ATL1: variants seen among roughly 807,000 people sequenced by gnomAD.
The protein encoded by ATL1 is atlastin GTPase 1, also known as atlastin-1.
ATL1 carries 31 observed loss-of-function variants against 75.5 expected under a neutral mutation model. The ratio of observed to expected loss-of-function variants is 0.41; its 90% CI spans 0.31 to 0.55. The LOEUF (loss-of-function observed/expected upper bound fraction) is 0.55. ATL1 is among the 20% of genes least tolerant of loss of function. ATL1 has a pLI of 0.27. For missense variants in ATL1, 405 were observed against 662.6 expected (o/e 0.61, Z 4.27); for synonymous variants, 226 against 233.3 (o/e 0.97, Z 0.28).
chr14:50,591,848 A>T (rs2039161821), intron 4 of ATL1: 1 of 527,970 alleles, frequency 1.9e-6, no homozygotes, highest in Admixed American at 3.3e-5. Context: ...TTTCAAATTG[A>T]CTGCTTTGGT....
At chr14:50,564,675 AAAG>A (rs1421685442) in intron 1 of ATL1, among the ~76,000 whole-genome samples, 135 of 149,536 alleles carry the variant, frequency 9.0e-4, no homozygotes, top group African/African-American at 3.1e-3. Context: ...AAAAAAAAAA[AAAG>A]AAGAAGAAAA....
chr14:50,561,435 T>C (rs2038843769), intron 1 of ATL1, among the ~76,000 whole-genome samples: 1 of 152,264 alleles, frequency 6.6e-6, no homozygotes, highest in Admixed American at 6.5e-5. Flanking sequence ...TATTTGGAAA[T>C]AACAGTTGTT....
chr14:50,577,333 G>A (rs1270179451), intron 1 of ATL1, among the ~76,000 whole-genome samples: 4 of 152,132 alleles, frequency 2.6e-5, no homozygotes, highest in Admixed American at 2.6e-4. Context: ...AAAGTGCTGG[G>A]GTTACAGGCC....
chr14:50,536,088 C>T (rs1396592762), intron 1 of ATL1, among the ~76,000 whole-genome samples: 1 of 152,200 alleles, frequency 6.6e-6, no homozygotes, highest in African/African-American at 2.4e-5. Flanking sequence ...AATTAAACCT[C>T]TTTCTTTTGT....
At chr14:50,557,085 C>T (rs964165154), upstream of ATL1, among the ~76,000 whole-genome samples, 3 of 152,166 alleles carry the variant, frequency 2.0e-5, no homozygotes, top group South Asian at 2.1e-4. Context: ...AAAGTATCTG[C>T]ACCATTTTAT....
intron 1 of ATL1, among the ~76,000 whole-genome samples, chr14:50,569,141 T>C (rs558673551): frequency 2.0e-5 from 3 of 151,806 alleles, no homozygotes; most frequent in African/African-American, 7.3e-5. Flanking sequence ...GCTCGAGCCC[T>C]GGAGTTCAAG....
At chr14:50,623,896 CA>C (rs11402191) in intron 11 of ATL1, among the ~76,000 whole-genome samples, 1 of 150,962 alleles carries the variant, frequency 6.6e-6, no homozygotes, top group Admixed American at 6.6e-5. Context: ...ACTAAAATAA[CA>C]AAAAAAAATT....
At chr14:50,598,561 C>T (rs940838812) in intron 6 of ATL1, among the ~76,000 whole-genome samples, 10 of 152,054 alleles carry the variant, frequency 6.6e-5, no homozygotes, top group African/African-American at 2.2e-4. Flanking sequence ...TGGGGTTTCA[C>T]CATGTTAGCC....
At chr14:50,559,892 A>T, upstream of ATL1, 1 of 317,098 alleles carries the variant, frequency 3.2e-6, no homozygotes, top group Non-Finnish European at 6.1e-6. Context: ...CGGTTTGTGT[A>T]TTTCTGATAA....
At chr14:50,611,258 A>C (rs1405385371) in intron 6 of ATL1, among the ~76,000 whole-genome samples, 1 of 152,096 alleles carries the variant, frequency 6.6e-6, no homozygotes. Flanking sequence ...TTTTTTGCTT[A>C]AACTTGTTGG....
chr14:50,564,929 G>A lies in ATL1; in HGVS notation c.34+4630G>A, dbSNP rs984637880. Among the ~76,000 whole-genome samples the A allele has an allele frequency of 3.3e-5, 5 of 151,872 alleles. No homozygotes were observed. In the East Asian group the frequency reaches 7.7e-4, roughly 23 times the overall value. ...ATTCTATTTTTCTTGAAATGAGACC[G>A]TCTGTCCCTTTTTACCTACCTCATC... On this transcript the variant is annotated intron_variant, in intron 1 of 13. Transcript: ENST00000358385.
intron 7 of ATL1, among the ~76,000 whole-genome samples, 176 bp from the exon 8 acceptor site, chr14:50,614,197 A>G (rs901521411): frequency 2.6e-5 from 4 of 152,218 alleles, no homozygotes; most frequent in African/African-American, 9.6e-5. Flanking sequence ...CTATACTTAG[A>G]CACGGCTCTG....
upstream of ATL1, among the ~76,000 whole-genome samples, chr14:50,555,277 G>A (rs905888151): frequency 3.2e-5 from 3 of 94,850 alleles, no homozygotes; most frequent in Non-Finnish European, 7.0e-5. Flanking sequence ...GTTTTGTTTT[G>A]TTTTGTTTGT....
intron 1 of ATL1, among the ~76,000 whole-genome samples, chr14:50,543,401 C>T (rs1342928199): frequency 6.6e-6 from 1 of 152,188 alleles, no homozygotes; most frequent in Non-Finnish European, 1.5e-5. Context: ...GATACATATT[C>T]TAGGTAGAGG....
intron 6 of ATL1, among the ~76,000 whole-genome samples, chr14:50,600,675 A>G (rs1283027862): frequency 2.0e-5 from 3 of 152,206 alleles, no homozygotes; most frequent in Non-Finnish European, 4.4e-5. Flanking sequence ...CTTTTTTAGC[A>G]GGTCACTTCT....
chr14:50,626,271 T>A (rs2140237503), intron 11 of ATL1, among the ~76,000 whole-genome samples: 1 of 152,362 alleles, frequency 6.6e-6, no homozygotes, highest in African/African-American at 2.4e-5. Flanking sequence ...CTGGGCAAAG[T>A]ACATTGAAAA....
chr14:50,592,542 T>TAAAA (rs35475571), intron 4 of ATL1, among the ~76,000 whole-genome samples: 1 of 149,134 alleles, frequency 6.7e-6, no homozygotes, highest in Non-Finnish European at 1.5e-5. Context: ...GTAAAAGTCA[T>TAAAA]AAAAAAAAAA....
At chr14:50,580,290 G>A (rs1386086802) in intron 1 of ATL1, among the ~76,000 whole-genome samples, 1 of 152,148 alleles carries the variant, frequency 6.6e-6, no homozygotes, top group Admixed American at 6.5e-5. Flanking sequence ...CTGACTTTGG[G>A]AGAAAGCTTT....
chr14:50,548,352 G>A (rs2038660651), intron 1 of ATL1, among the ~76,000 whole-genome samples: 1 of 152,176 alleles, frequency 6.6e-6, no homozygotes, highest in African/African-American at 2.4e-5. Flanking sequence ...AGAGCCATTT[G>A]AGAAAGCAAA....
Sources: allele counts gnomAD v4.1 joint callset (sites outside exome capture counted in the v4.1 genomes callset), GRCh38; gene constraint gnomAD v4.1.1; transcripts MANE v1.5; gene names NCBI Gene and HGNC (gene_info 2026-07-23, HGNC 2026-07-21).